FCRLA: variants seen among roughly 807,000 people sequenced by gnomAD.
FCRLA encodes Fc receptor-like A.
A neutral mutation model predicts 28.4 loss-of-function variants in FCRLA; 26 were observed. That is an observed-to-expected ratio of 0.91 (90% CI 0.67 to 1.27). The LOEUF is 1.27. Among genes scored for constraint, FCRLA ranks in the 50% most tolerant of loss-of-function variants. The pLI, the probability that FCRLA is intolerant of heterozygous loss-of-function variation, is 0.00. For missense variants in FCRLA, 422 were observed against 433.1 expected (o/e 0.97, Z 0.23); for synonymous variants, 174 against 168.5 (o/e 1.03, Z -0.25).
At chr1:161,712,345 G>A (rs1453721157) in intron 4 of FCRLA, 127 bp downstream of exon 4, 7 of 1,093,786 alleles carry the variant, frequency 6.4e-6, no homozygotes, top group South Asian at 1.6e-5. Context: ...AGAGGGGGCA[G>A]GAACAATGGG....
intron 3 of FCRLA, 84 bp downstream of exon 3, chr1:161,711,558 T>C: frequency 1.3e-6 from 2 of 1,496,892 alleles, no homozygotes; most frequent in Non-Finnish European, 1.8e-6. Flanking sequence ...AGCCTGGAGG[T>C]AGCAAGATCA....
chr1:161,712,532 T>C (rs1232712898), intron 4 of FCRLA, among the ~76,000 whole-genome samples: 2 of 152,158 alleles, frequency 1.3e-5, no homozygotes, highest in East Asian at 1.9e-4. Context: ...GGAATGAAGA[T>C]GGGATAGTCT....
rs985024872 is a variant in FCRLA at position 161,712,483 on chromosome 1, C to T, written c.784+265C>T. Among the ~76,000 whole-genome samples, 13 of 152,278 alleles carry T rather than the reference C, an allele frequency of 8.5e-5. No individual in the cohort carries two copies. The East Asian group carries it at 2.3e-3, about 27-fold the overall frequency. On this transcript the variant is annotated intron_variant, in intron 4 of 4. Transcript: ENST00000236938. ...TGCCCCACAAGCCTTAGCATCCCCC[C>T]CAACATGCTCTCTGGGCATTTATAG...
At chr1:161,711,747 T>C in intron 3 of FCRLA, 187 bp from the exon 4 acceptor site, 2 of 820,742 alleles carry the variant, frequency 2.4e-6, no homozygotes, top group South Asian at 1.7e-5. Context: ...GATTTGCCCA[T>C]CTGTGGATCT....
In FCRLA at chr1:161,710,856, G is replaced by T. The variant is rs761816085; in HGVS notation, c.176G>T (p.Gly59Val). Residue 59 changes from glycine (G) to valine (V), a missense_variant, in exon 2 of 5, where the codon GGC (glycine) becomes GTC (valine). By Grantham distance (109) the Gly-to-Val change is moderately radical. Coordinates refer to ENST00000236938, the MANE Select transcript of FCRLA (RefSeq NM_032738.4). ...EDDLTDAREA[G>V]FQVKAYTFSE... Reference sequence around the variant, plus strand: ...GACTTGACTGATGCAAGGGAAGCTGGCTTCCAGGTCAAGGCCTACACTTTC... The same window carrying T: ...GACTTGACTGATGCAAGGGAAGCTGTCTTCCAGGTCAAGGCCTACACTTTC... 4.3e-6 allele frequency: 7 copies of T among 1,613,918 alleles called. No homozygotes were observed. The South Asian group carries it at 6.6e-5, about 15-fold the overall frequency.
Position 161,707,279 on chromosome 1 carries a change from T to C in FCRLA, c.15T>C (p.Cys5=), listed in dbSNP as rs757660085. The C allele has an allele frequency of 2.8e-5, 45 of 1,613,968 alleles. No individual in the cohort carries two copies. Among genetic ancestry groups the C allele is most frequent in the Non-Finnish European group, 3.6e-5 (42 of 1,179,980 alleles). Residue 5 remains cysteine (C), a synonymous_variant, in exon 1 of 5, where the codon TGT becomes TGC. Coordinates refer to ENST00000236938, the MANE Select transcript of FCRLA (RefSeq NM_032738.4). ...ACACAGTCACCATGAAGCTGGGCTG[T>C]GTCCTCATGGCCTGGGCCCTCTACC... is the stretch of plus-strand genomic sequence containing the variant. MKLG[C]VLMAWALYLS... is the part of the protein sequence containing the mutation.
chr1:161,707,600 TG>T (rs969960520), intron 1 of FCRLA, among the ~76,000 whole-genome samples: 8 of 152,378 alleles, frequency 5.3e-5, no homozygotes, highest in African/African-American at 1.9e-4. Flanking sequence ...CTTTCACTTG[TG>T]AGACAAGTTT....
rs1185169425 is a variant in FCRLA at position 161,714,012 on chromosome 1, T to G, written c.*632T>G. 1 of 152,388 alleles carries G rather than the reference T, an allele frequency of 6.6e-6. No individual in the cohort carries two copies. The highest frequency in any genetic ancestry group is 1.5e-5 in the Non-Finnish European group (1 of 68,098). The allele number at this position is 152,388 out of a possible 1,614,324, so 9.4% of individuals were successfully genotyped here. ...TCAGCTATTCTTACTGACATACCAG[T>G]CTTTAGCTGGTGCTATGGTCTGTTC... On this transcript the variant is annotated 3_prime_UTR_variant, in exon 5 of 5. Transcript: ENST00000236938.
chr1:161,711,015 C>T lies in FCRLA; in HGVS notation c.232+103C>T, dbSNP rs1053632839. On this transcript the variant is annotated intron_variant, in intron 2 of 4. Coordinates refer to ENST00000236938, the MANE Select transcript of FCRLA (RefSeq NM_032738.4). ...AGGAAATTGGCTATGGGATGAGGTACTTCCTTCCCAGTCTTCAGCCCACAG... is the reference window on the plus strand; with the variant it reads ...AGGAAATTGGCTATGGGATGAGGTATTTCCTTCCCAGTCTTCAGCCCACAG... The T allele has an allele frequency of 9.3e-6, 14 of 1,505,436 alleles. No homozygotes were observed. The Admixed American group carries it at 1.8e-4, about 20-fold the overall frequency. 93.3% of individuals were successfully genotyped at this position (1,505,436 alleles called of 1,614,324 possible). A position where few individuals can be genotyped will look rare whatever the true frequency, so the allele number is the denominator to read the frequency against.
chr1:161,707,427 T>A (rs2101649056), intron 1 of FCRLA, 84 bp downstream of exon 1: 1 of 1,435,868 alleles, frequency 7.0e-7, no homozygotes, highest in Admixed American at 2.5e-5. Flanking sequence ...AAACATGGAC[T>A]AATTCTGGCC....
rs1230187474 is a variant in FCRLA at position 161,707,360 on chromosome 1, A to C, written c.79+17A>C. ...TGCTACTGGGTAAGTAAAATATTTG[A>C]ATATTGGTGTGGGAATGGAGCTTTG... On this transcript the variant is annotated intron_variant, in intron 1 of 4. Coordinates refer to ENST00000236938, the MANE Select transcript of FCRLA (RefSeq NM_032738.4). The C allele has an allele frequency of 6.4e-7, 1 of 1,567,318 alleles. No homozygotes were observed. The highest frequency in any genetic ancestry group is 1.2e-5 in the South Asian group (1 of 84,102).
rs971110817 is a variant in FCRLA at position 161,709,234 on chromosome 1, C to T, written c.80-1526C>T. Reference sequence around the variant, plus strand: ...CCTTGACCTCTTGGGCTTAAGCAATCGTCCTATCTCAGCCTCCCAAGTAGC... The same window carrying T: ...CCTTGACCTCTTGGGCTTAAGCAATTGTCCTATCTCAGCCTCCCAAGTAGC... On this transcript the variant is annotated intron_variant, in intron 1 of 4. Transcript: ENST00000236938. Among the ~76,000 whole-genome samples, 5 of 152,076 alleles carry T rather than the reference C, an allele frequency of 3.3e-5. No homozygotes were observed. The South Asian group carries it at 6.2e-4, about 19-fold the overall frequency.
At position 161,711,336 on chromosome 1, in the gene FCRLA, C is replaced by T. The variant is rs763531432; in HGVS notation, c.361C>T (p.Pro121Ser). 5 of 1,614,182 alleles carry T rather than the reference C, an allele frequency of 3.1e-6. No individual in the cohort carries two copies. Among genetic ancestry groups the T allele is most frequent in the Non-Finnish European group, 4.2e-6 (5 of 1,180,026 alleles). The change falls in exon 3 of 5, where the codon CCC becomes TCC. Residue 121 changes from proline to serine, a missense_variant. Transcript: ENST00000236938. ...TFYRDGSALG[P>S]PGPNREFSIT... is the part of the protein sequence containing the mutation. The stretch of plus-strand genomic sequence containing the variant: ...CTACCGAGATGGCTCAGCTCTGGGT[C>T]CCCCCGGGCCTAACAGGGAATTCTC...
Position 161,710,896 on chromosome 1 carries a change from C to T in FCRLA, c.216C>T (p.His72=). The change falls in exon 2 of 5, where the codon CAC becomes CAT. Residue 72 remains histidine, a synonymous_variant. Transcript: ENST00000236938. ...CCTACACTTTCAGTGAACCCTTCCA[C>T]CTGATTGTGTCCTATGGTGAGGTCC... is the stretch of plus-strand genomic sequence containing the variant. The part of the protein sequence containing the change: ...VKAYTFSEPF[H]LIVSYDWLIL... The T allele has an allele frequency of 6.2e-7, 1 of 1,613,200 alleles. No homozygotes were observed. The highest frequency in any genetic ancestry group is 8.5e-7 in the Non-Finnish European group (1 of 1,180,014).
Position 161,713,408 on chromosome 1 carries a change from T to G in FCRLA, c.*28T>G, listed in dbSNP as rs533561269. On this transcript the variant is annotated 3_prime_UTR_variant, in exon 5 of 5. Coordinates refer to ENST00000236938, the MANE Select transcript of FCRLA (RefSeq NM_032738.4). ...GTAAACAGTTCATCCATGATCTCACTTAACCACCCCAATAAATCTGATTCT... is the reference window on the plus strand; with the variant it reads ...GTAAACAGTTCATCCATGATCTCACGTAACCACCCCAATAAATCTGATTCT... 3 of 1,553,146 alleles carry G rather than the reference T, an allele frequency of 1.9e-6. No individual in the cohort carries two copies. The African/African-American group carries it at 4.1e-5, about 21-fold the overall frequency.
In FCRLA at chr1:161,713,516, T is replaced by A; in HGVS notation, c.*136T>A. 1 of 679,656 alleles carries A rather than the reference T, an allele frequency of 1.5e-6. No individual in the cohort carries two copies. Among genetic ancestry groups the A allele is most frequent in the Non-Finnish European group, 2.5e-6 (1 of 405,476 alleles). 42.1% of individuals were successfully genotyped at this position (679,656 alleles called of 1,614,324 possible). ...GTTTTGTTAGAATAATGTAGTTAGG[T>A]GAGTGTAAATAAATTTATATAAAGT... On this transcript the variant is annotated 3_prime_UTR_variant, in exon 5 of 5. Coordinates refer to ENST00000236938, the MANE Select transcript of FCRLA (RefSeq NM_032738.4).
Position 161,708,285 on chromosome 1 carries a change from T to C in FCRLA, c.79+942T>C, listed in dbSNP as rs115468193. On this transcript the variant is annotated intron_variant, in intron 1 of 4. Transcript: ENST00000236938. ...ACCCAGACTCTTCCTTCTTTTTCAT[T>C]CTCTAAATCTGATCAATCATTAGGT... is the stretch of plus-strand genomic sequence containing the variant. Among the ~76,000 whole-genome samples the C allele has an allele frequency of 8.1e-3, 1,234 of 152,268 alleles. 19 individuals carry two copies. The highest frequency in any genetic ancestry group is 0.028 in the African/African-American group (1,158 of 41,532).
In FCRLA at chr1:161,712,230, T is replaced by C; in HGVS notation, c.784+12T>C. On this transcript the variant is annotated intron_variant, in intron 4 of 4. Coordinates refer to ENST00000236938, the MANE Select transcript of FCRLA (RefSeq NM_032738.4). ...GATCAGAGTGCAGGGTGAGTTCGCA[T>C]CAGAGTGCAGGTTGTCTGTTTGGCA... 6.2e-7 allele frequency: 1 copy of C among 1,605,416 alleles called. No individual in the cohort carries two copies. The highest frequency in any genetic ancestry group is 8.5e-7 in the Non-Finnish European group (1 of 1,174,878).
chr1:161,710,969 C>G, intron 2 of FCRLA, 57 bp downstream of exon 2: 5 of 1,598,910 alleles, frequency 3.1e-6, no homozygotes, highest in Non-Finnish European at 3.4e-6. Flanking sequence ...AGCCTCAGAG[C>G]CCACCCAGGA....
Sources: gnomAD v4.1 joint callset for allele counts (sites outside exome capture counted in the v4.1 genomes callset) on GRCh38, gnomAD v4.1.1 for gene constraint, MANE v1.5 for transcripts, NCBI Gene and HGNC (gene_info 2026-07-23, HGNC 2026-07-21) for gene names.